The following TRPC4 variants were observed in gnomAD, a reference collection of about 807,000 sequenced individuals.
TRPC4 encodes transient receptor potential cation channel subfamily C member 4.
Under a neutral mutation model 99.4 loss-of-function variants are expected in TRPC4, and 49 were observed. The ratio of observed to expected loss-of-function variants is 0.49; its 90% CI spans 0.39 to 0.63. The LOEUF (loss-of-function observed/expected upper bound fraction) is 0.63, where lower values mean the gene tolerates loss of function less well. Among genes scored for constraint, TRPC4 ranks in the 20% least tolerant of loss-of-function variants. The pLI is 0.00. For synonymous variants in TRPC4, 454 were observed against 425.9 expected, an observed-to-expected ratio of 1.07 and a Z score of -0.81; for missense variants, 898 against 1,152.9, an observed-to-expected ratio of 0.78 and a Z score of 3.20.
chr13:37,642,738 T>C (rs56378173), intron 8 of TRPC4, among the ~76,000 whole-genome samples: 31,832 of 129,730 alleles, frequency 0.25, 3,645 homozygotes, highest in Non-Finnish European at 0.29. Context: ...TTCTTTTTCT[T>C]TTTTTTTTTT....
At chr13:37,867,174 T>C (rs1341202346) in intron 1 of TRPC4, among the ~76,000 whole-genome samples, 5 of 151,982 alleles carry the variant, frequency 3.3e-5, no homozygotes, top group Non-Finnish European at 5.9e-5. Flanking sequence ...AGTCCCTAAT[T>C]TTATAGTTCT....
At chr13:37,686,263 T>C (rs1277290622) in intron 4 of TRPC4, among the ~76,000 whole-genome samples, 1 of 152,084 alleles carries the variant, frequency 6.6e-6, no homozygotes, top group Non-Finnish European at 1.5e-5. Context: ...GGAAGAATTA[T>C]ATATATACGC....
At chr13:37,776,292 G>A (rs999918509) in intron 2 of TRPC4, among the ~76,000 whole-genome samples, 3 of 151,594 alleles carry the variant, frequency 2.0e-5, no homozygotes, top group Admixed American at 1.3e-4. Flanking sequence ...TAATCTTAAC[G>A]GCAGAATAAG....
Position 37,865,447 on chromosome 13 carries a change from CT to C in TRPC4, c.-28+4147del, listed in dbSNP as rs199537202. On this transcript the variant is annotated intron_variant, in intron 1 of 10. Transcript: ENST00000379705. ...CTTGAACTTTGTTCATAAAAACAAACTTTTTTTTTCTTTTTACATGTATTAG... is the reference window on the plus strand; with the variant it reads ...CTTGAACTTTGTTCATAAAAACAAACTTTTTTTTCTTTTTACATGTATTAG... Among the ~76,000 whole-genome samples, 343 of 150,610 alleles carry C rather than the reference CT, an allele frequency of 2.3e-3. 6 individuals carry two copies. The East Asian group carries it at 0.055, about 24-fold the overall frequency.
At chr13:37,860,890 G>T (rs9576389) in intron 1 of TRPC4, among the ~76,000 whole-genome samples, 1 of 151,092 alleles carries the variant, frequency 6.6e-6, no homozygotes, top group African/African-American at 2.4e-5. Flanking sequence ...TTGAGCAGTC[G>T]CTGTCTTCGG....
chr13:37,790,761 G>A (rs1213418890), intron 1 of TRPC4, among the ~76,000 whole-genome samples: 1 of 152,012 alleles, frequency 6.6e-6, no homozygotes, highest in Admixed American at 6.6e-5. Context: ...CCCCCCTTTG[G>A]TGACATGGTA....
At chr13:37,823,342 T>C (rs1958078460) in intron 1 of TRPC4, among the ~76,000 whole-genome samples, 1 of 151,662 alleles carries the variant, frequency 6.6e-6, no homozygotes, top group Non-Finnish European at 1.5e-5. Context: ...ATGAAGTCCT[T>C]GCCCATGCCT....
Position 37,746,361 on chromosome 13 carries a change from A to C in TRPC4, c.473T>G (p.Ile158Arg). 1 of 1,613,480 alleles carries C rather than the reference A, an allele frequency of 6.2e-7. No homozygotes were observed. The highest frequency in any genetic ancestry group is 8.5e-7 in the Non-Finnish European group (1 of 1,179,742). Reference protein sequence around the residue: ...LAAHTNNYEIIKLLVQKGVSV... With the variant: ...LAAHTNNYEIRKLLVQKGVSV... Reference sequence around the variant, plus strand: ...GACTCCTTTCTGAACCAAGAGTTTTATTATCTCATAATTATTTGTATGGGC... The same window carrying C: ...GACTCCTTTCTGAACCAAGAGTTTTCTTATCTCATAATTATTTGTATGGGC... Residue 158 changes from isoleucine (I) to arginine (R), a missense_variant, in exon 3 of 11, where the codon ATA becomes AGA. By Grantham distance (97) the Ile-to-Arg change is moderately conservative. Transcript: ENST00000379705.
intron 1 of TRPC4, among the ~76,000 whole-genome samples, chr13:37,820,938 C>A (rs1346180434): frequency 6.6e-6 from 1 of 151,946 alleles, no homozygotes; most frequent in Non-Finnish European, 1.5e-5. Context: ...CTAGCCCAAG[C>A]AATCAGGCAA....
chr13:37,721,199 A>G (rs1034888094), intron 3 of TRPC4, among the ~76,000 whole-genome samples: 12 of 152,184 alleles, frequency 7.9e-5, no homozygotes, highest in African/African-American at 2.9e-4. Context: ...AAGAACATTG[A>G]AAAAAGAAAC....
intron 1 of TRPC4, among the ~76,000 whole-genome samples, chr13:37,809,186 G>A (rs1427490856): frequency 6.6e-6 from 1 of 152,094 alleles, no homozygotes; most frequent in Non-Finnish European, 1.5e-5. Flanking sequence ...TTAGGTCAAT[G>A]TAGGATGCTC....
Position 37,692,138 on chromosome 13 carries a change from C to A in TRPC4, c.1095G>T (p.Lys365Asn). The change falls in exon 4 of 11, where the codon AAG becomes AAT. Residue 365 changes from lysine (K) to asparagine (N), a missense_variant. Around this residue, in one of 3 missense-constraint regions of TRPC4, gnomAD observed 274 missense variants for 454.9 expected, o/e 0.60. Coordinates refer to ENST00000379705, the MANE Select transcript of TRPC4 (RefSeq NM_016179.4). ...AATAGGAGGCTGTGTGGCAGATAAACTTGATAAATGGCTTCCTGATGAACA... is the reference window on the plus strand; with the variant it reads ...AATAGGAGGCTGTGTGGCAGATAAAATTGATAAATGGCTTCCTGATGAACA... The part of the protein sequence containing the change: ...LGLFIRKPFI[K>N]FICHTASYLT... The A allele has an allele frequency of 1.2e-6, 2 of 1,614,124 alleles. No homozygotes were observed. Among genetic ancestry groups the A allele is most frequent in the Non-Finnish European group, 1.7e-6 (2 of 1,180,014 alleles).
chr13:37,824,976 C>T (rs1958156321), intron 1 of TRPC4, among the ~76,000 whole-genome samples: 1 of 152,050 alleles, frequency 6.6e-6, no homozygotes, highest in Non-Finnish European at 1.5e-5. Flanking sequence ...TTCAGAGATT[C>T]AACTTCTTCC....
chr13:37,834,942 C>A (rs1186323332), intron 1 of TRPC4, among the ~76,000 whole-genome samples: 2 of 152,042 alleles, frequency 1.3e-5, no homozygotes, highest in South Asian at 2.1e-4. Flanking sequence ...ACCAAGTTGG[C>A]CAGGCTGGTC....
intron 3 of TRPC4, among the ~76,000 whole-genome samples, chr13:37,694,623 T>G (rs114569735): frequency 1.7e-3 from 264 of 152,344 alleles, no homozygotes; most frequent in African/African-American, 6.2e-3. Flanking sequence ...TAGCCATGAT[T>G]TTTTATTTAT....
chr13:37,724,365 C>T (rs140936702), intron 3 of TRPC4, among the ~76,000 whole-genome samples: 122 of 152,204 alleles, frequency 8.0e-4, no homozygotes, highest in African/African-American at 2.7e-3. Flanking sequence ...ATACATTCAA[C>T]AATAATTCCC....
chr13:37,842,465 T>C (rs1444174955), intron 1 of TRPC4, among the ~76,000 whole-genome samples: 1 of 151,820 alleles, frequency 6.6e-6, no homozygotes, highest in African/African-American at 2.4e-5. Context: ...ATTCTTCCTA[T>C]CTTTGTTTCT....
chr13:37,666,531 A>C (rs1243540601), intron 5 of TRPC4, among the ~76,000 whole-genome samples: 1 of 152,190 alleles, frequency 6.6e-6, no homozygotes, highest in African/African-American at 2.4e-5. Flanking sequence ...TATTTTCTTA[A>C]GTTTTTAACT....
intron 2 of TRPC4, among the ~76,000 whole-genome samples, chr13:37,753,575 A>AGAAAGAGAGAGAGAG (rs1566145348): frequency 7.6e-4 from 104 of 137,340 alleles, no homozygotes; most frequent in African/African-American, 2.6e-3. Flanking sequence ...GAGAGAGAGA[A>AGAAAGAGAGAGAGAG]AGAGAGAGAG....
Sources: gnomAD v4.1 joint callset for allele counts (sites outside exome capture counted in the v4.1 genomes callset) on GRCh38, gnomAD v4.1.1 for gene constraint, gnomAD v4.1.1 regional missense constraint, MANE v1.5 for transcripts, NCBI Gene and HGNC (gene_info 2026-07-23, HGNC 2026-07-21) for gene names.